Variants in ANO7 observed in about 807,000 individuals in gnomAD.
ANO7 encodes anoctamin 7, also known as anoctamin-7.
A neutral mutation model predicts 115.8 loss-of-function variants in ANO7; 114 were observed. The observed-to-expected ratio is 0.98, with a 90% CI of 0.85 to 1.15. ANO7 has a LOEUF of 1.15. Ranked by LOEUF, ANO7 falls within the 50% of genes most tolerant of loss-of-function variation. The pLI, the probability that ANO7 is intolerant of heterozygous loss-of-function variation, is 0.00. For missense variants in ANO7, 1,302 were observed against 1,201.2 expected, an observed-to-expected ratio of 1.08 and a Z score of -1.24; for synonymous variants, 550 against 498.2, an observed-to-expected ratio of 1.10 and a Z score of -1.38.
chr2:241,199,465 GGTCCCCACACACTGCGTTCAGCT>G, intron 5 of ANO7, 42 bp downstream of exon 5: 1 of 1,589,824 alleles, frequency 6.3e-7, no homozygotes, highest in Non-Finnish European at 8.6e-7. Context: ...TGGAGGTCCC[GGTCCCCACACACTGCGTTCAGCT>G]GCCAGTGCCG....
chr2:241,237,717 C>T, the ANO7 span, among the ~76,000 whole-genome samples: 1 of 125,358 alleles, frequency 8.0e-6, no homozygotes, highest in African/African-American at 2.8e-5. Context: ...AAATGACATT[C>T]AGAAAAAAAA....
downstream of ANO7, chr2:241,230,288 G>A (rs372630112): frequency 9.1e-6 from 13 of 1,430,994 alleles, no homozygotes; most frequent in African/African-American, 1.4e-5. The surrounding 1 kb of genome is among the most constrained non-coding windows in gnomAD (Gnocchi z 5.0). Context: ...GGTGTACAAC[G>A]TCAGATGAGG....
rs535972271 is a variant in ANO7 at position 241,222,061 on chromosome 2, C to T, written c.2322-1125C>T. 5.9e-5 allele frequency among the ~76,000 whole-genome samples: 9 copies of T among 151,988 alleles called. No individual in the cohort carries two copies. In the South Asian group the frequency reaches 1.9e-3, roughly 32 times the overall value. On this transcript the variant is annotated intron_variant, in intron 21 of 24. Transcript: ENST00000674324. Reference sequence around the variant, plus strand: ...CATCCTGGCTAACACGGTGAAACCCCGTCTTGACTAAAAATACAAAAAATT... The same window carrying T: ...CATCCTGGCTAACACGGTGAAACCCTGTCTTGACTAAAAATACAAAAAATT...
chr2:241,199,240 G>A, intron 4 of ANO7, 76 bp from the exon 5 acceptor site: 2 of 1,272,218 alleles, frequency 1.6e-6, no homozygotes, highest in South Asian at 2.4e-5. Context: ...TTTCCTAAGA[G>A]TGCGAATGGA....
chr2:241,231,387 AAAAAAAAAAC>A, the ANO7 span: 2 of 152,740 alleles, frequency 1.3e-5, no homozygotes, highest in African/African-American at 4.9e-5. Flanking sequence ...CCATCTCAAA[AAAAAAAAAAC>A]AAAAAAAAAA....
chr2:241,229,915 G>T (rs149149076), downstream of ANO7: 2 of 1,602,212 alleles, frequency 1.2e-6, no homozygotes, highest in African/African-American at 1.3e-5. Flanking sequence ...GTGTGCTGGG[G>T]GTTTCATGTA....
chr2:241,235,479 A>T, the ANO7 span: 1 of 1,605,438 alleles, frequency 6.2e-7, no homozygotes, highest in Non-Finnish European at 8.5e-7. Context: ...CCTCCCGGGA[A>T]AGGGGTCTAC....
intron 4 of ANO7, 63 bp from the exon 5 acceptor site, chr2:241,199,253 C>T: frequency 1.4e-6 from 2 of 1,394,744 alleles, no homozygotes; most frequent in Admixed American, 1.7e-5. Context: ...CGAATGGACA[C>T]ACACATGTGC....
At chr2:241,212,059 C>T (rs2068729926) in intron 15 of ANO7, 35 bp from the exon 16 acceptor site, 4 of 1,589,752 alleles carry the variant, frequency 2.5e-6, no homozygotes, top group Non-Finnish European at 3.5e-6. Flanking sequence ...CTGGTGACTC[C>T]CCCAGGGACT....
the ANO7 span, chr2:241,234,023 T>C: frequency 3.1e-6 from 5 of 1,587,818 alleles, no homozygotes; most frequent in Admixed American, 8.4e-5. Context: ...TGTGACTCCA[T>C]TCCCCTTCCA....
intron 19 of ANO7, among the ~76,000 whole-genome samples, chr2:241,216,821 AGTTT>A (rs111551638): frequency 0.55 from 83,424 of 151,376 alleles, 23,376 homozygotes; most frequent in East Asian, 0.78. Flanking sequence ...ATCATCAGGC[AGTTT>A]GTTTGTTTGT....
chr2:241,203,529 C>T lies in ANO7; in HGVS notation c.889+31C>T. ...TCCCCCCCGCTGCCCCCCAGACCACCTGGGCCCCCCCAGCTTGGTGTCAGG... is the reference window on the plus strand; with the variant it reads ...TCCCCCCCGCTGCCCCCCAGACCACTTGGGCCCCCCCAGCTTGGTGTCAGG... On this transcript the variant is annotated intron_variant, in intron 9 of 24. Transcript: ENST00000674324. This position sits in a 1 kb window ranked among gnomAD's most constrained non-coding sequence, Gnocchi z 4.8. The T allele has an allele frequency of 7.1e-7, 1 of 1,413,488 alleles. No individual in the cohort carries two copies. Among genetic ancestry groups the T allele is most frequent in the Non-Finnish European group, 9.3e-7 (1 of 1,073,118 alleles). 87.6% of individuals were successfully genotyped at this position (1,413,488 alleles called of 1,614,324 possible).
At chr2:241,205,654 A>T in intron 10 of ANO7, among the ~76,000 whole-genome samples, 1 of 117,738 alleles carries the variant, frequency 8.5e-6, no homozygotes, top group Admixed American at 8.5e-5. Context: ...GAGTGCTCCC[A>T]GCCTGACACA....
chr2:241,209,772 C>A (rs975450852), intron 13 of ANO7, 137 bp downstream of exon 13: 3 of 1,263,632 alleles, frequency 2.4e-6, no homozygotes, highest in Admixed American at 6.2e-5. Flanking sequence ...GCAGAGAGGC[C>A]CCCATGTGCC....
At position 241,209,388 on chromosome 2, in the gene ANO7, T is replaced by C. The variant is rs2068667248; in HGVS notation, c.1181T>C (p.Leu394Pro). 5 of 1,583,706 alleles carry C rather than the reference T, an allele frequency of 3.2e-6. No homozygotes were observed. The highest frequency in any genetic ancestry group is 3.4e-6 in the Non-Finnish European group (4 of 1,165,672). Residue 394 changes from leucine to proline, a missense_variant, in exon 12 of 25, where the codon CTG becomes CCG. Leu to Pro is a moderately conservative substitution (Grantham distance 98, BLOSUM62 -3). Coordinates refer to ENST00000674324, the MANE Select transcript of ANO7 (RefSeq NM_001370694.2). Reference sequence around the variant, plus strand: ...TACTGGAAGCGGAAGAGCGCCACGCTGGCCTACCGCTGGGACTGCTCTGAC... The same window carrying C: ...TACTGGAAGCGGAAGAGCGCCACGCCGGCCTACCGCTGGGACTGCTCTGAC... ...LEYWKRKSAT[L>P]AYRWDCSDYE...
intron 19 of ANO7, among the ~76,000 whole-genome samples, chr2:241,216,556 A>T (rs553337523): frequency 6.6e-6 from 1 of 152,338 alleles, no homozygotes; most frequent in African/African-American, 2.4e-5. Context: ...GAATTAGGAG[A>T]GCAGGCCCTG....
At chr2:241,240,013 C>T in the ANO7 span, 13 of 1,614,076 alleles carry the variant, frequency 8.1e-6, no homozygotes, top group South Asian at 3.3e-5. The surrounding 1 kb of genome is among the most constrained non-coding windows in gnomAD (Gnocchi z 5.5). Flanking sequence ...GAAGATGACA[C>T]GTGCTCCAGT....
intron 7 of ANO7, 71 bp downstream of exon 7, chr2:241,201,426 T>C: frequency 1.3e-6 from 2 of 1,525,026 alleles, no homozygotes; most frequent in Non-Finnish European, 1.8e-6. Flanking sequence ...GCCCCCAGCC[T>C]CCATGGATGC....
intron 11 of ANO7, among the ~76,000 whole-genome samples, chr2:241,208,711 A>G (rs185603864): frequency 4.6e-5 from 7 of 152,312 alleles, no homozygotes; most frequent in Admixed American, 1.3e-4. Context: ...AACCTCTTAC[A>G]GCATTAACTC....
Sources: allele counts gnomAD v4.1 joint callset (sites outside exome capture counted in the v4.1 genomes callset), GRCh38; gene constraint gnomAD v4.1.1; non-coding constraint Gnocchi (gnomAD v3.1); transcripts MANE v1.5; gene names NCBI Gene and HGNC (gene_info 2026-07-23, HGNC 2026-07-21).